THEM4: variants seen among roughly 807,000 people sequenced by gnomAD.
THEM4 encodes the protein acyl-coenzyme A thioesterase THEM4.
In THEM4, 22 loss-of-function variants were observed where a neutral mutation model predicts 25.0. The observed-to-expected ratio is 0.88, with a 90% CI of 0.63 to 1.26. The LOEUF (loss-of-function observed/expected upper bound fraction) is 1.26, where lower values mean the gene tolerates loss of function less well. Among genes scored for constraint, THEM4 ranks in the 50% most tolerant of loss-of-function variants. The pLI, the probability that THEM4 is intolerant of heterozygous loss-of-function variation, is 0.00. For synonymous variants in THEM4, 113 were observed against 105.6 expected (o/e 1.07, Z -0.43); for missense variants, 286 against 300.3 (o/e 0.95, Z 0.35).
chr1:151,902,879 T>C (rs999984024), intron 1 of THEM4, among the ~76,000 whole-genome samples: 17 of 152,012 alleles, frequency 1.1e-4, no homozygotes, highest in African/African-American at 4.1e-4. Context: ...TCTCAGCTAC[T>C]TGGGAGGCTG....
chr1:151,877,186 A>C (rs987383247), intron 4 of THEM4, 61 bp from the exon 5 acceptor site: 136 of 1,515,540 alleles, frequency 9.0e-5, no homozygotes, highest in Non-Finnish European at 1.2e-4. Context: ...TAACATTAAA[A>C]GATGATCAAG....
At position 151,874,798 on chromosome 1, in the gene THEM4, C is replaced by A. The variant is rs889180577; in HGVS notation, c.*90G>T. 2 of 1,215,404 alleles carry A rather than the reference C, an allele frequency of 1.6e-6. No individual in the cohort carries two copies. The highest frequency in any genetic ancestry group is 1.2e-6 in the Non-Finnish European group (1 of 819,154). The allele number at this position is 1,215,404 out of a possible 1,614,324, so 75.3% of individuals were successfully genotyped here. ...GTCACTGTTGGCAGGCTTCTCCCTA[C>A]AGGGATTCAGCAGTGAGGGAGCAGA... On this transcript the variant is annotated 3_prime_UTR_variant, in exon 6 of 6. Transcript: ENST00000368814.
At chr1:151,876,874 A>AAAACC (rs555690570) in intron 5 of THEM4, 127 bp downstream of exon 5, 1 of 1,221,852 alleles carries the variant, frequency 8.2e-7, no homozygotes, top group Non-Finnish European at 1.1e-6. Context: ...ACCAGGGCAA[A>AAAACC]AAACCAAACC....
chr1:151,897,954 C>T (rs575061228), intron 1 of THEM4, among the ~76,000 whole-genome samples: 1 of 152,262 alleles, frequency 6.6e-6, no homozygotes, highest in Non-Finnish European at 1.5e-5. Context: ...ACTGGGTCCC[C>T]AAGCAGCCCA....
chr1:151,906,241 G>A (rs1027429198), intron 1 of THEM4, among the ~76,000 whole-genome samples: 1 of 152,248 alleles, frequency 6.6e-6, no homozygotes, highest in Admixed American at 6.5e-5. Context: ...CAGCCAGCCG[G>A]CCCTGCCGGC....
rs1250938946 is a variant in THEM4, at chr1:151,873,459, G to A, written c.*1429C>T. 6.6e-6 allele frequency: 1 copy of A among 152,142 alleles called. No individual in the cohort carries two copies. The highest frequency in any genetic ancestry group is 2.4e-5 in the African/African-American group (1 of 41,424). 9.4% of individuals were successfully genotyped at this position (152,142 alleles called of 1,614,324 possible). A position where few individuals can be genotyped will look rare whatever the true frequency, so the allele number is the denominator to read the frequency against. ...CTCAGTCTCTCATCCCACCTGATGA[G>A]AAACACCCACAGGTGTGGAGGGGCT... On this transcript the variant is annotated 3_prime_UTR_variant, in exon 6 of 6. Coordinates refer to ENST00000368814, the MANE Select transcript of THEM4 (RefSeq NM_053055.5).
chr1:151,888,260 A>G lies in THEM4; in HGVS notation c.557+13T>C. 2 of 1,597,608 alleles carry G rather than the reference A, an allele frequency of 1.3e-6. No homozygotes were observed. The highest frequency in any genetic ancestry group is 1.7e-6 in the Non-Finnish European group (2 of 1,167,666). ...AACACCTAAGGATAAATAGAGAATTACTGTGAATTTACCTTTTATAATTGA... is the reference window on the plus strand; with the variant it reads ...AACACCTAAGGATAAATAGAGAATTGCTGTGAATTTACCTTTTATAATTGA... On this transcript the variant is annotated intron_variant, in intron 4 of 5. Coordinates refer to ENST00000368814, the MANE Select transcript of THEM4 (RefSeq NM_053055.5).
At chr1:151,899,508 A>G (rs920381135) in intron 1 of THEM4, among the ~76,000 whole-genome samples, 2 of 152,074 alleles carry the variant, frequency 1.3e-5, no homozygotes, top group Non-Finnish European at 2.9e-5. Flanking sequence ...AGAAGGGAGA[A>G]ATATTCAAGG....
At chr1:151,900,852 G>A (rs1273487418) in intron 1 of THEM4, among the ~76,000 whole-genome samples, 1 of 152,240 alleles carries the variant, frequency 6.6e-6, no homozygotes, top group Non-Finnish European at 1.5e-5. Flanking sequence ...ATTCGTGATG[G>A]CCATGATGCC....
rs546454582 is a variant in THEM4, at chr1:151,875,885, A to G, written c.683-957T>C. On this transcript the variant is annotated intron_variant, in intron 5 of 5. Coordinates refer to ENST00000368814, the MANE Select transcript of THEM4 (RefSeq NM_053055.5). ...CTCTGTAAAGCTGAATACTCACAAT[A>G]CTCTACCACCCAGAAATTCTGTTCC... Among the ~76,000 whole-genome samples the G allele has an allele frequency of 3.9e-5, 6 of 152,232 alleles. No homozygotes were observed. In the East Asian group the frequency reaches 1.2e-3, roughly 29 times the overall value.
At chr1:151,887,825 T>C (rs1486322000) in intron 4 of THEM4, among the ~76,000 whole-genome samples, 3 of 152,216 alleles carry the variant, frequency 2.0e-5, no homozygotes, top group African/African-American at 4.8e-5. Flanking sequence ...GTAGTAGATG[T>C]TGGTGCTCCA....
At chr1:151,889,574 A>G (rs962492425) in intron 2 of THEM4, 7 of 517,574 alleles carry the variant, frequency 1.4e-5, no homozygotes, top group South Asian at 3.5e-5. Context: ...TAACAGTCCA[A>G]CTGGGGACAG....
At chr1:151,881,539 C>A (rs1653812794) in intron 4 of THEM4, among the ~76,000 whole-genome samples, 1 of 152,164 alleles carries the variant, frequency 6.6e-6, no homozygotes. Context: ...GTTTGAATGA[C>A]AGCACCTTCA....
chr1:151,889,775 A>T (rs1006733040), intron 2 of THEM4: 2 of 164,292 alleles, frequency 1.2e-5, no homozygotes, highest in African/African-American at 4.8e-5. Flanking sequence ...GGCAGACATG[A>T]GTTGAGTCTG....
At position 151,909,359 on chromosome 1, in the gene THEM4, C is replaced by A. The variant is rs1252211807; in HGVS notation, c.99+1G>T. On this transcript the variant is annotated splice_donor_variant, in intron 1 of 5. Coordinates refer to ENST00000368814, the MANE Select transcript of THEM4 (RefSeq NM_053055.5). LOFTEE classifies it high-confidence loss of function. ...CCATGCCCGAGGGTGCCCAGACTCA[C>A]CAGCTCGGGTCGCGGCTCGCTTCCC... 1.3e-6 allele frequency: 2 copies of A among 1,512,820 alleles called. No homozygotes were observed. The highest frequency in any genetic ancestry group is 2.9e-5 in the African/African-American group (2 of 69,868). The allele number at this position is 1,512,820 out of a possible 1,614,324, so 93.7% of individuals were successfully genotyped here.
chr1:151,872,124 G>T lies in THEM4; in HGVS notation c.*2764C>A, dbSNP rs1366680776. 1.3e-5 allele frequency among the ~76,000 whole-genome samples: 2 copies of T among 151,800 alleles called. No homozygotes were observed. The highest frequency in any genetic ancestry group is 4.9e-5 in the African/African-American group (2 of 41,064). ...CTCAGAATTTCTGGGAGAAGGAACT[G>T]CCAGCTTCACCCCTGCAGTGCCCCC... is the stretch of plus-strand genomic sequence containing the variant. On this transcript the variant is annotated 3_prime_UTR_variant, in exon 6 of 6. Transcript: ENST00000368814.
intron 4 of THEM4, among the ~76,000 whole-genome samples, chr1:151,887,824 G>A (rs1222875871): frequency 6.6e-6 from 1 of 152,142 alleles, no homozygotes; most frequent in Non-Finnish European, 1.5e-5. Context: ...TGTAGTAGAT[G>A]TTGGTGCTCC....
chr1:151,895,796 T>C (rs934585324), intron 1 of THEM4, among the ~76,000 whole-genome samples: 6 of 151,868 alleles, frequency 4.0e-5, no homozygotes, highest in Non-Finnish European at 8.8e-5. Flanking sequence ...GAATGGATCA[T>C]GGGGGTGAAT....
At chr1:151,901,041 C>A (rs1422395977) in intron 1 of THEM4, among the ~76,000 whole-genome samples, 1 of 152,240 alleles carries the variant, frequency 6.6e-6, no homozygotes, top group East Asian at 1.9e-4. Context: ...TTGGCCCATC[C>A]CTTTGTTTCC....
Sources: gnomAD v4.1 joint callset for allele counts (sites outside exome capture counted in the v4.1 genomes callset) on GRCh38, gnomAD v4.1.1 for gene constraint, MANE v1.5 for transcripts, NCBI Gene and HGNC (gene_info 2026-07-23, HGNC 2026-07-21) for gene names.